ABI1: variants seen among roughly 807,000 people sequenced by gnomAD.
The protein encoded by ABI1 is Abelson interactor 1.
ABI1 carries 14 observed loss-of-function variants against 54.6 expected under a neutral mutation model. The ratio of observed to expected loss-of-function variants is 0.26; its 90% CI spans 0.17 to 0.40. The LOEUF is 0.40. Ranked by LOEUF, ABI1 falls within the 10% of genes least tolerant of loss-of-function variation. The pLI, the probability that ABI1 is intolerant of heterozygous loss-of-function variation, is 1.00. For synonymous variants in ABI1, 194 were observed against 209.3 expected (o/e 0.93, Z 0.63); for missense variants, 443 against 598.3 (o/e 0.74, Z 2.71).
intron 1 of ABI1, among the ~76,000 whole-genome samples, chr10:26,838,133 A>C (rs117517138): frequency 0.26 from 38,468 of 148,228 alleles, 5,543 homozygotes; most frequent in South Asian, 0.44. Context: ...AAGCGATTCT[A>C]ATGCCTCAGC....
intron 2 of ABI1, among the ~76,000 whole-genome samples, chr10:26,797,045 T>A (rs1844272097): frequency 6.6e-6 from 1 of 152,238 alleles, no homozygotes. Flanking sequence ...CACGGACTAG[T>A]ACAGGCCAGT....
chr10:26,835,963 G>A (rs972875306), intron 1 of ABI1, among the ~76,000 whole-genome samples: 1 of 151,878 alleles, frequency 6.6e-6, no homozygotes, highest in Middle Eastern at 3.4e-3. Context: ...ATGTTGCCCA[G>A]GCTGGTCTCG....
chr10:26,847,290 A>G (rs1028331169), intron 1 of ABI1, among the ~76,000 whole-genome samples: 2 of 152,176 alleles, frequency 1.3e-5, no homozygotes, highest in African/African-American at 4.8e-5. Flanking sequence ...TTCTAAAAGA[A>G]TAAGAGTTAT....
At chr10:26,777,035 T>C (rs1049801853) in intron 3 of ABI1, 30 bp downstream of exon 3, 2 of 1,516,370 alleles carry the variant, frequency 1.3e-6, no homozygotes, top group Non-Finnish European at 8.8e-7. Context: ...ATATGCAAAT[T>C]AGCTTGTTAA....
chr10:26,754,947 C>G (rs867507211), intron 9 of ABI1, among the ~76,000 whole-genome samples: 3 of 146,588 alleles, frequency 2.0e-5, no homozygotes, highest in African/African-American at 8.0e-5. Flanking sequence ...ACTTCTCCCC[C>G]CCCACAAAAA....
At chr10:26,843,888 CCTATAA>C (rs2049780866) in intron 1 of ABI1, among the ~76,000 whole-genome samples, 1 of 152,142 alleles carries the variant, frequency 6.6e-6, no homozygotes, top group Admixed American at 6.5e-5. Flanking sequence ...TTGATTCAGA[CCTATAA>C]CTCATTTATC....
chr10:26,751,189 A>G (rs1431132090), intron 10 of ABI1, among the ~76,000 whole-genome samples: 1 of 152,228 alleles, frequency 6.6e-6, no homozygotes, highest in African/African-American at 2.4e-5. Context: ...AAAGTTGAAA[A>G]GATCCTAAAG....
chr10:26,755,579 G>T, intron 9 of ABI1, 76 bp downstream of exon 9: 1 of 1,146,930 alleles, frequency 8.7e-7, no homozygotes. Flanking sequence ...TAAGGAAAAC[G>T]ATGACTCATC....
chr10:26,860,257 C>A lies in ABI1; in HGVS notation c.117+490G>T, dbSNP rs1408984679. On this transcript the variant is annotated intron_variant, in intron 1 of 10. Coordinates refer to ENST00000376140, the MANE Select transcript of ABI1 (RefSeq NM_001012750.3). The surrounding 1 kb of genome is among the most constrained non-coding windows in gnomAD (Gnocchi z 4.1). ...ACCCTCCGCCGACACACAACACACA[C>A]CCCGCTGGTCCTCTCCCTTCTGCGG... 2.0e-5 allele frequency among the ~76,000 whole-genome samples: 3 copies of A among 152,160 alleles called. No individual in the cohort carries two copies. The highest frequency in any genetic ancestry group is 4.4e-5 in the Non-Finnish European group (3 of 68,036).
intron 1 of ABI1, among the ~76,000 whole-genome samples, chr10:26,851,856 G>C (rs1276857100): frequency 6.6e-6 from 1 of 152,008 alleles, no homozygotes; most frequent in Admixed American, 6.6e-5. Flanking sequence ...GAAAGGAAAG[G>C]GTCAGATTTC....
chr10:26,853,312 T>TTTA (rs1491356849), intron 1 of ABI1, among the ~76,000 whole-genome samples: 2 of 143,030 alleles, frequency 1.4e-5, no homozygotes, highest in African/African-American at 2.7e-5. Context: ...TTTTTTTTTT[T>TTTA]AAAAAAAATC....
At chr10:26,820,104 T>G (rs1211213548) in intron 2 of ABI1, among the ~76,000 whole-genome samples, 1 of 152,144 alleles carries the variant, frequency 6.6e-6, no homozygotes, top group Non-Finnish European at 1.5e-5. Context: ...GTTCTGGAGA[T>G]CTAATGTACA....
At chr10:26,756,379 A>G (rs1057384228) in intron 8 of ABI1, among the ~76,000 whole-genome samples, 1 of 152,176 alleles carries the variant, frequency 6.6e-6, no homozygotes. Flanking sequence ...ATGTTTAAAA[A>G]TATCAGTCCT....
chr10:26,802,535 A>G (rs72629730), intron 2 of ABI1, among the ~76,000 whole-genome samples: 3,399 of 152,306 alleles, frequency 0.022, 226 homozygotes, highest in East Asian at 0.2. Context: ...CTTCCAATCA[A>G]AAACTAATAC....
chr10:26,841,597 C>G (rs1248834596), intron 1 of ABI1, among the ~76,000 whole-genome samples: 2 of 152,078 alleles, frequency 1.3e-5, no homozygotes, highest in Non-Finnish European at 2.9e-5. Flanking sequence ...CATTCCCCAC[C>G]CACTTGCTCC....
rs1441396674 is a variant in ABI1, at chr10:26,746,626, A to G, written c.*1944T>C. On this transcript the variant is annotated 3_prime_UTR_variant, in exon 11 of 11. Transcript: ENST00000376140. ...GGGCAATTTATTTTTTTTTATTGCA[A>G]AAGTTTTTTCAGAAAACTTTTTAAA... The G allele has an allele frequency of 9.9e-6, 8 of 806,340 alleles. No individual in the cohort carries two copies. Among genetic ancestry groups the G allele is most frequent in the Non-Finnish European group, 1.6e-5 (8 of 506,648 alleles). The allele number at this position is 806,340 out of a possible 1,614,324, so 49.9% of individuals were successfully genotyped here. A position where few individuals can be genotyped will look rare whatever the true frequency, so the allele number is the denominator to read the frequency against.
Position 26,748,127 on chromosome 10 carries a change from CAG to C in ABI1, c.*441_*442del, listed in dbSNP as rs1037968018. The C allele has an allele frequency of 7.4e-5, 16 of 214,926 alleles. No individual in the cohort carries two copies. The highest frequency in any genetic ancestry group is 1.8e-4 in the South Asian group (1 of 5,410). The allele number at this position is 214,926 out of a possible 1,614,324, so 13.3% of individuals were successfully genotyped here. On this transcript the variant is annotated 3_prime_UTR_variant, in exon 11 of 11. Transcript: ENST00000376140. ...AATTTTTATGCATGCTTTAAACAAA[CAG>C]TATTTTTTTTAAATGAGAGAATCTA...
chr10:26,771,020 C>T (rs770571119), intron 4 of ABI1, 55 bp downstream of exon 4: 37 of 1,592,548 alleles, frequency 2.3e-5, no homozygotes, highest in Middle Eastern at 1.7e-4. Flanking sequence ...GGCTCTGCAG[C>T]CTCTATCAAT....
intron 2 of ABI1, among the ~76,000 whole-genome samples, chr10:26,804,743 G>GA (rs2046777321): frequency 6.6e-6 from 1 of 152,080 alleles, no homozygotes; most frequent in Non-Finnish European, 1.5e-5. Flanking sequence ...AGGTAGGTAG[G>GA]AAAAATCACA....
Sources: allele counts gnomAD v4.1 joint callset (sites outside exome capture counted in the v4.1 genomes callset), GRCh38; gene constraint gnomAD v4.1.1; non-coding constraint Gnocchi (gnomAD v3.1); transcripts MANE v1.5; gene names NCBI Gene and HGNC (gene_info 2026-07-23, HGNC 2026-07-21).